Variants in KMT2C observed in about 807,000 individuals in gnomAD.
KMT2C encodes the protein lysine methyltransferase 2C, also known as histone-lysine N-methyltransferase 2C.
KMT2C carries 88 observed loss-of-function variants against 507.9 expected under a neutral mutation model. The observed-to-expected ratio is 0.17, with a 90% confidence interval of 0.15 to 0.21. KMT2C has a LOEUF of 0.21. Ranked by LOEUF, KMT2C falls within the 10% of genes least tolerant of loss-of-function variation. The pLI is 1.00. For synonymous variants in KMT2C, 2,049 were observed against 2,080.8 expected, an observed-to-expected ratio of 0.98 and a Z score of 0.42; for missense variants, 4,954 against 5,957.8, an observed-to-expected ratio of 0.83 and a Z score of 5.55.
chr7:152,358,292 C>A (rs1042750629), intron 2 of KMT2C, among the ~76,000 whole-genome samples: 1 of 151,914 alleles, frequency 6.6e-6, no homozygotes, highest in African/African-American at 2.4e-5. Context: ...ATACTATGAG[C>A]GATTATACTA....
chr7:152,271,068 T>C (rs1051256648), intron 7 of KMT2C, among the ~76,000 whole-genome samples: 3 of 152,030 alleles, frequency 2.0e-5, no homozygotes, highest in African/African-American at 7.2e-5. Context: ...AGATAGGAGG[T>C]AAAATAACTA....
intron 6 of KMT2C, among the ~76,000 whole-genome samples, chr7:152,302,816 A>G (rs902367678): frequency 6.6e-6 from 1 of 151,510 alleles, no homozygotes; most frequent in African/African-American, 2.4e-5. Flanking sequence ...TAATTTTTAT[A>G]TTTTTTTAGT....
chr7:152,212,209 G>A (rs1257108915), intron 23 of KMT2C, among the ~76,000 whole-genome samples: 3 of 152,118 alleles, frequency 2.0e-5, no homozygotes, highest in Non-Finnish European at 2.9e-5. Flanking sequence ...AGAAAACACT[G>A]GTTCTTTCCA....
intron 6 of KMT2C, among the ~76,000 whole-genome samples, chr7:152,295,679 C>T (rs2096485125): frequency 6.6e-6 from 1 of 152,170 alleles, no homozygotes; most frequent in Non-Finnish European, 1.5e-5. Flanking sequence ...CTGCTCTAAG[C>T]AGAAACATGC....
In KMT2C at chr7:152,176,967, G is replaced by C. The variant is rs1563257102; in HGVS notation, c.8486C>G (p.Pro2829Arg). The change falls in exon 38 of 59, where the codon CCA (proline) becomes CGA (arginine). Residue 2829 changes from proline (P) to arginine (R), a missense_variant. Pro to Arg is a moderately radical substitution (Grantham distance 103). Transcript: ENST00000262189. ...TNEVKTEVLS[P>R]NSKVESKCET... ...ACATTTGGATTCCACCTTAGAATTT[G>C]GAGACAGTACTTCCGTTTTTACCTC... 3 of 1,614,034 alleles carry C rather than the reference G, an allele frequency of 1.9e-6. No individual in the cohort carries two copies. The highest frequency in any genetic ancestry group is 2.5e-6 in the Non-Finnish European group (3 of 1,179,950).
intron 6 of KMT2C, among the ~76,000 whole-genome samples, chr7:152,286,876 TCTG>T (rs1485035819): frequency 6.6e-6 from 1 of 152,126 alleles, no homozygotes; most frequent in Non-Finnish European, 1.5e-5. Context: ...CCAAGAAAAT[TCTG>T]CTGTCTTTTG....
At chr7:152,407,685 A>AAAAAG (rs373786226) in intron 1 of KMT2C, among the ~76,000 whole-genome samples, 99 of 146,794 alleles carry the variant, frequency 6.7e-4, no homozygotes, top group South Asian at 8.5e-4. Context: ...AAAAAAAAAA[A>AAAAAG]GGTAGCAAAG....
At chr7:152,233,368 G>C (rs912637027) in intron 16 of KMT2C, among the ~76,000 whole-genome samples, 2 of 152,068 alleles carry the variant, frequency 1.3e-5, no homozygotes, top group African/African-American at 4.8e-5. Context: ...CATTTTCCTA[G>C]ACCACAGATA....
intron 1 of KMT2C, among the ~76,000 whole-genome samples, chr7:152,401,410 G>A (rs904912493): frequency 6.6e-6 from 1 of 150,566 alleles, no homozygotes; most frequent in Non-Finnish European, 1.5e-5. Flanking sequence ...AGTCATACCG[G>A]CCAGGTGCAG....
chr7:152,269,847 G>A (rs78970002), intron 7 of KMT2C, among the ~76,000 whole-genome samples: 48 of 151,010 alleles, frequency 3.2e-4, no homozygotes, highest in Middle Eastern at 3.6e-3. Context: ...ATCATCTTTA[G>A]AGAAGGTCAT....
intron 6 of KMT2C, among the ~76,000 whole-genome samples, chr7:152,307,236 A>C (rs1374294982): frequency 3.9e-5 from 5 of 129,270 alleles, no homozygotes; most frequent in East Asian, 4.2e-4. Context: ...GAAGGAAGGA[A>C]GGAAGGAAGG....
intron 6 of KMT2C, among the ~76,000 whole-genome samples, chr7:152,304,062 ATT>A (rs1166753919): frequency 6.6e-6 from 1 of 152,130 alleles, no homozygotes; most frequent in African/African-American, 2.4e-5. Flanking sequence ...ATACTCAAAC[ATT>A]TCTTATTAAA....
At position 152,135,912 on chromosome 7, in the gene KMT2C, T is replaced by C. The variant is rs1346338090; in HGVS notation, c.*920A>G. On this transcript the variant is annotated 3_prime_UTR_variant, in exon 59 of 59. Transcript: ENST00000262189. ...ACCCCCAACACTCTAGGTTGAAATT[T>C]TGGTTATTACATAATTATAATGGCA... The C allele has an allele frequency of 1.3e-5, 3 of 230,972 alleles. No homozygotes were observed. Among genetic ancestry groups the C allele is most frequent in the African/African-American group, 4.4e-5 (2 of 45,214 alleles). 14.3% of individuals were successfully genotyped at this position (230,972 alleles called of 1,614,324 possible).
intron 2 of KMT2C, among the ~76,000 whole-genome samples, chr7:152,347,262 T>C (rs1363551401): frequency 6.6e-6 from 1 of 152,252 alleles, no homozygotes; most frequent in Non-Finnish European, 1.5e-5. Context: ...CAGACTTCCA[T>C]CTATGGTACA....
intron 1 of KMT2C, among the ~76,000 whole-genome samples, chr7:152,417,127 A>G (rs1406326642): frequency 6.6e-6 from 1 of 152,030 alleles, no homozygotes; most frequent in African/African-American, 2.4e-5. Context: ...GGCATCAAAT[A>G]TAAGAAGGAA....
chr7:152,152,515 C>T (rs749257743), intron 49 of KMT2C, among the ~76,000 whole-genome samples, 190 bp downstream of exon 49: 2 of 152,216 alleles, frequency 1.3e-5, no homozygotes, highest in Non-Finnish European at 2.9e-5. Flanking sequence ...TGACAGAATA[C>T]ACAGGCCAAA....
intron 3 of KMT2C, among the ~76,000 whole-genome samples, chr7:152,326,952 G>C (rs1163071360): frequency 3.3e-5 from 5 of 152,194 alleles, no homozygotes; most frequent in South Asian, 2.1e-4. Context: ...CTGTGGGACA[G>C]AGAGATAAAA....
chr7:152,360,543 A>C (rs2097188247), intron 1 of KMT2C, among the ~76,000 whole-genome samples: 1 of 151,780 alleles, frequency 6.6e-6, no homozygotes, highest in Non-Finnish European at 1.5e-5. Flanking sequence ...ATTAAAAATT[A>C]AGGTGACCAG....
intron 5 of KMT2C, among the ~76,000 whole-genome samples, chr7:152,310,738 C>G (rs2096664200): frequency 6.6e-6 from 1 of 151,906 alleles, no homozygotes; most frequent in South Asian, 2.1e-4. Context: ...GGCTGAAGTT[C>G]AGTGGCATGA....
Sources: allele counts gnomAD v4.1 joint callset (sites outside exome capture counted in the v4.1 genomes callset), GRCh38; gene constraint gnomAD v4.1.1; transcripts MANE v1.5; gene names NCBI Gene and HGNC (gene_info 2026-07-23, HGNC 2026-07-21).